Variants in UVRAG observed in about 807,000 individuals in gnomAD.
UVRAG encodes the protein UV radiation resistance associated.
A neutral mutation model predicts 78.0 loss-of-function variants in UVRAG; 19 were observed. That is an observed-to-expected ratio of 0.24 (90% CI 0.17 to 0.36). UVRAG has a LOEUF of 0.36. UVRAG is among the 10% of genes least tolerant of loss of function. UVRAG has a pLI of 1.00. For synonymous variants in UVRAG, 323 were observed against 324.6 expected, an observed-to-expected ratio of 1.00 and a Z score of 0.05; for missense variants, 740 against 853.8, an observed-to-expected ratio of 0.87 and a Z score of 1.66.
At position 76,140,859 on chromosome 11, in the gene UVRAG, T is replaced by C; in HGVS notation, c.1546T>C (p.Tyr516His). Residue 516 changes from tyrosine (Y) to histidine (H), a missense_variant, in exon 15 of 15, where the codon TAC becomes CAC. Coordinates refer to ENST00000356136, the MANE Select transcript of UVRAG (RefSeq NM_003369.4). ...RASSENERLQ[Y>H]KTPPPSYNSA... ...CAGCTCTGAGAATGAGAGACTTCAGTACAAAACCCCTCCTCCCAGTTACAA... is the reference window on the plus strand; with the variant it reads ...CAGCTCTGAGAATGAGAGACTTCAGCACAAAACCCCTCCTCCCAGTTACAA... The C allele has an allele frequency of 1.2e-6, 2 of 1,614,142 alleles. No individual in the cohort carries two copies. Among genetic ancestry groups the C allele is most frequent in the South Asian group, 2.2e-5 (2 of 91,072 alleles).
chr11:76,095,366 A>G (rs899854308), intron 13 of UVRAG, among the ~76,000 whole-genome samples: 57 of 152,114 alleles, frequency 3.7e-4, no homozygotes, highest in African/African-American at 1.3e-3. Context: ...CCACTTATCT[A>G]TCTGCTTTTT....
rs747301678 is a variant in UVRAG at position 76,016,904 on chromosome 11, T to C, written c.1150T>C (p.Tyr384His). The C allele has an allele frequency of 3.7e-6, 6 of 1,612,592 alleles. No individual in the cohort carries two copies. The highest frequency in any genetic ancestry group is 5.1e-6 in the Non-Finnish European group (6 of 1,179,024). The change falls in exon 12 of 15, where the codon TAT (tyrosine) becomes CAT (histidine). Residue 384 changes from tyrosine (Y) to histidine (H), a missense_variant. Physicochemically the swap from Tyr to His is moderately conservative, Grantham distance 83. Transcript: ENST00000356136. Reference protein sequence around the residue: ...ISFFLQVPLRYPIIHKGSRST... With the variant: ...ISFFLQVPLRHPIIHKGSRST... Reference sequence around the variant, plus strand: ...CTTTTTCCTACAAGTGCCCCTCAGATATCCTATAATTCATAAGGGGTCTAG... The same window carrying C: ...CTTTTTCCTACAAGTGCCCCTCAGACATCCTATAATTCATAAGGGGTCTAG...
chr11:75,996,800 T>G (rs1949715848), intron 8 of UVRAG, among the ~76,000 whole-genome samples: 1 of 152,226 alleles, frequency 6.6e-6, no homozygotes, highest in Non-Finnish European at 1.5e-5. Context: ...TAGATCTTTC[T>G]GATTCATAAG....
intron 1 of UVRAG, among the ~76,000 whole-genome samples, chr11:75,815,827 G>T (rs1460608385): frequency 3.3e-5 from 5 of 152,138 alleles, no homozygotes; most frequent in Non-Finnish European, 5.9e-5. Flanking sequence ...AACGCAGGGA[G>T]CCGGGGATTG....
chr11:75,878,194 G>A (rs1946850292), intron 3 of UVRAG, among the ~76,000 whole-genome samples: 2 of 151,526 alleles, frequency 1.3e-5, no homozygotes, highest in East Asian at 2.0e-4. Flanking sequence ...GGTCACGGCC[G>A]GGCAGAGGCG....
chr11:76,023,193 A>G (rs971232244), intron 12 of UVRAG, among the ~76,000 whole-genome samples: 1 of 152,104 alleles, frequency 6.6e-6, no homozygotes, highest in African/African-American at 2.4e-5. Context: ...GTTACTATCT[A>G]TGGTCCTTTA....
intron 5 of UVRAG, among the ~76,000 whole-genome samples, chr11:75,905,846 A>G (rs1947602903): frequency 6.6e-6 from 1 of 151,372 alleles, no homozygotes. Flanking sequence ...GCTGGGTCAT[A>G]TTATAATTCT....
Position 76,052,729 on chromosome 11 carries a change from C to T in UVRAG, c.1227-12981C>T, listed in dbSNP as rs549993709. 2.6e-5 allele frequency among the ~76,000 whole-genome samples: 4 copies of T among 152,162 alleles called. 1 individual carries two copies. The highest frequency in any genetic ancestry group is 7.2e-5 in the African/African-American group (3 of 41,514). ...CTTGGTTTTCCTCATATCTTTTAAC[C>T]AGTCCTTTTCTGGCTCCTTCTCCCC... On this transcript the variant is annotated intron_variant, in intron 12 of 14. Transcript: ENST00000356136.
chr11:76,132,816 A>T (rs1045450476), intron 14 of UVRAG, among the ~76,000 whole-genome samples: 5 of 152,118 alleles, frequency 3.3e-5, no homozygotes, highest in Non-Finnish European at 1.5e-5. Context: ...TTAACCTAAA[A>T]ATTTTTCTCA....
chr11:76,005,067 G>C (rs936539396), intron 9 of UVRAG, among the ~76,000 whole-genome samples: 5 of 152,030 alleles, frequency 3.3e-5, no homozygotes, highest in Non-Finnish European at 5.9e-5. Flanking sequence ...AGACTGGCCG[G>C]GCATGGTGGC....
At chr11:75,844,253 AG>A (rs530774744) in intron 1 of UVRAG, among the ~76,000 whole-genome samples, 252 of 151,898 alleles carry the variant, frequency 1.7e-3, no homozygotes, top group Admixed American at 4.1e-3. Context: ...TTTGAGGCAG[AG>A]TCTCACTCTG....
intron 13 of UVRAG, among the ~76,000 whole-genome samples, chr11:76,091,177 A>G (rs1368796751): frequency 6.6e-6 from 1 of 152,212 alleles, no homozygotes; most frequent in African/African-American, 2.4e-5. Context: ...AGATTTTGAA[A>G]TCATTGTTCT....
intron 6 of UVRAG, among the ~76,000 whole-genome samples, chr11:75,922,268 C>T (rs1012295161): frequency 2.0e-5 from 3 of 151,984 alleles, no homozygotes; most frequent in Non-Finnish European, 4.4e-5. Flanking sequence ...CTTTCTGTTA[C>T]ATTTGTTCTT....
Position 75,960,213 on chromosome 11 carries a change from T to G in UVRAG, c.594-1231T>G, listed in dbSNP as rs12273773. The stretch of plus-strand genomic sequence containing the variant: ...CAAACCTTCAATTTGTTTTTTTTTT[T>G]TTGTTTCTTTTTTTTAAATATCTAT... On this transcript the variant is annotated intron_variant, in intron 6 of 14. Transcript: ENST00000356136. Among the ~76,000 whole-genome samples, 587 of 152,186 alleles carry G rather than the reference T, an allele frequency of 3.9e-3. 4 individuals are homozygous for G. Among genetic ancestry groups the G allele is most frequent in the African/African-American group, 0.013 (551 of 41,536 alleles).
intron 6 of UVRAG, among the ~76,000 whole-genome samples, chr11:75,913,833 T>C (rs1947788996): frequency 6.6e-6 from 1 of 152,214 alleles, no homozygotes; most frequent in Non-Finnish European, 1.5e-5. Flanking sequence ...CCTACATAAA[T>C]GCAAAGTCAT....
In UVRAG at chr11:75,976,279, C is replaced by G. The variant is rs548373312; in HGVS notation, c.700-7108C>G. ...CTGGATTCAGTTTGCCAGTGTTTTA[C>G]TGAGGATTTTTACATCAATGTTCAT... On this transcript the variant is annotated intron_variant, in intron 7 of 14. Coordinates refer to ENST00000356136, the MANE Select transcript of UVRAG (RefSeq NM_003369.4). Among the ~76,000 whole-genome samples the G allele has an allele frequency of 3.3e-5, 5 of 152,272 alleles. No homozygotes were observed. The South Asian group carries it at 1.0e-3, about 32-fold the overall frequency.
chr11:75,930,947 C>CT (rs769327272), intron 6 of UVRAG: 7 of 146,720 alleles, frequency 4.8e-5, no homozygotes, highest in Admixed American at 4.7e-4. Context: ...TTCTTTCTTT[C>CT]TTTCTTTCTT....
At chr11:75,869,570 CAGAGAT>C (rs1369281749) in intron 3 of UVRAG, among the ~76,000 whole-genome samples, 1 of 152,026 alleles carries the variant, frequency 6.6e-6, no homozygotes, top group African/African-American at 2.4e-5. Context: ...TGAAGGGAGA[CAGAGAT>C]AATCAACAAA....
chr11:75,852,391 A>G (rs1054174220), intron 2 of UVRAG, among the ~76,000 whole-genome samples: 1 of 152,136 alleles, frequency 6.6e-6, no homozygotes. Context: ...AATTCCCTGT[A>G]TATATGGGAT....
Sources: gnomAD v4.1 joint callset for allele counts (sites outside exome capture counted in the v4.1 genomes callset) on GRCh38, gnomAD v4.1.1 for gene constraint, MANE v1.5 for transcripts, NCBI Gene and HGNC (gene_info 2026-07-23, HGNC 2026-07-21) for gene names.